Variants in FHIT observed in about 807,000 individuals in gnomAD.
The protein encoded by FHIT is bis(5'-adenosyl)-triphosphatase.
Under a neutral mutation model 17.9 loss-of-function variants are expected in FHIT, and 19 were observed. The observed-to-expected ratio is 1.06, with a 90% CI of 0.74 to 1.56. The LOEUF (loss-of-function observed/expected upper bound fraction) is 1.56. FHIT is among the 40% of genes most tolerant of loss of function. The pLI, the probability that FHIT is intolerant of heterozygous loss-of-function variation, is 0.00. For synonymous variants in FHIT, 81 were observed against 69.7 expected, an observed-to-expected ratio of 1.16 and a Z score of -0.81; for missense variants, 248 against 189.2, an observed-to-expected ratio of 1.31 and a Z score of -1.82.
intron 5 of FHIT, among the ~76,000 whole-genome samples, chr3:60,111,196 A>G (rs12715549): frequency 6.6e-6 from 1 of 152,050 alleles, no homozygotes; most frequent in African/African-American, 2.4e-5. Flanking sequence ...GTCTTTTACA[A>G]AGACTGTGTT....
At chr3:60,190,889 G>C (rs1702374145) in intron 5 of FHIT, among the ~76,000 whole-genome samples, 1 of 152,032 alleles carries the variant, frequency 6.6e-6, no homozygotes, top group African/African-American at 2.4e-5. Context: ...GTTGCAGTGA[G>C]CCGAGATTGC....
At chr3:60,432,375 G>A (rs1235232476) in intron 5 of FHIT, among the ~76,000 whole-genome samples, 1 of 152,040 alleles carries the variant, frequency 6.6e-6, no homozygotes, top group Non-Finnish European at 1.5e-5. Context: ...ACCTAATCTA[G>A]ATAGCTACTA....
intron 5 of FHIT, among the ~76,000 whole-genome samples, chr3:60,404,064 C>G (rs1576603971): frequency 6.6e-6 from 1 of 152,238 alleles, no homozygotes; most frequent in East Asian, 1.9e-4. Context: ...TGATTGTGGG[C>G]CAAGTCTGCC....
chr3:61,009,959 C>T (rs2031694624), intron 3 of FHIT, among the ~76,000 whole-genome samples: 1 of 152,014 alleles, frequency 6.6e-6, no homozygotes, highest in Non-Finnish European at 1.5e-5. Context: ...TATTTTAGAC[C>T]TACCCTAATA....
intron 5 of FHIT, among the ~76,000 whole-genome samples, chr3:60,037,185 T>C (rs1357503892): frequency 6.6e-6 from 1 of 152,218 alleles, no homozygotes; most frequent in Non-Finnish European, 1.5e-5. Context: ...ATTTAGCTCA[T>C]CCAATTCTTT....
intron 8 of FHIT, among the ~76,000 whole-genome samples, chr3:59,875,862 A>C (rs1185228339): frequency 6.6e-6 from 1 of 152,066 alleles, no homozygotes; most frequent in Non-Finnish European, 1.5e-5. Flanking sequence ...AGCCATGAGT[A>C]ACATCATTTC....
intron 5 of FHIT, among the ~76,000 whole-genome samples, chr3:60,050,774 C>T (rs982490814): frequency 5.9e-5 from 9 of 152,186 alleles, no homozygotes; most frequent in African/African-American, 2.2e-4. Flanking sequence ...TAGATCCAGG[C>T]ATCTCCAAGA....
Position 60,155,257 on chromosome 3 carries a change from G to A in FHIT, c.104-141105C>T, listed in dbSNP as rs138092351. Among the ~76,000 whole-genome samples, 39 of 151,522 alleles carry A rather than the reference G, an allele frequency of 2.6e-4. 1 individual carries two copies. The highest frequency in any genetic ancestry group is 4.8e-4 in the African/African-American group (20 of 41,304). On this transcript the variant is annotated intron_variant, in intron 5 of 9. Transcript: ENST00000492590. ...GTGAAACAGAAAATCTCAGTCACAC[G>A]GCTGTCAGTGCTTTTTCTTTCTCTT...
At chr3:60,509,835 A>G (rs1247685900) in intron 5 of FHIT, among the ~76,000 whole-genome samples, 10 of 152,228 alleles carry the variant, frequency 6.6e-5, no homozygotes. Flanking sequence ...TTTCTAAGGA[A>G]TAGGAAGAAA....
intron 5 of FHIT, among the ~76,000 whole-genome samples, chr3:60,472,504 G>T (rs1324853386): frequency 1.3e-5 from 2 of 151,854 alleles, no homozygotes; most frequent in Non-Finnish European, 1.5e-5. Context: ...GAGTAGCTGG[G>T]ACTACAGGCA....
chr3:59,760,594 C>T (rs1012547010), intron 8 of FHIT, among the ~76,000 whole-genome samples: 1 of 151,306 alleles, frequency 6.6e-6, no homozygotes, highest in African/African-American at 2.4e-5. Context: ...ATTGATTAGA[C>T]ATGAAAGTTC....
At position 60,615,581 on chromosome 3, in the gene FHIT, T is replaced by C. The variant is rs566885595; in HGVS notation, c.-17-78602A>G. Among the ~76,000 whole-genome samples, 8 of 152,348 alleles carry C rather than the reference T, an allele frequency of 5.3e-5. No individual in the cohort carries two copies. In the South Asian group the frequency reaches 8.3e-4, roughly 16 times the overall value. On this transcript the variant is annotated intron_variant, in intron 4 of 9. Transcript: ENST00000492590. ...CAATTCACCTATGCGGTAACTTACA[T>C]TGATCATAACAGTACTTTAAGTAAT...
intron 5 of FHIT, among the ~76,000 whole-genome samples, chr3:60,511,970 A>C (rs948213365): frequency 1.3e-5 from 2 of 152,166 alleles, no homozygotes; most frequent in African/African-American, 4.8e-5. Flanking sequence ...AAACAGCAAC[A>C]GACAAAAAGG....
intron 5 of FHIT, among the ~76,000 whole-genome samples, chr3:60,190,795 T>C (rs1702368409): frequency 6.6e-6 from 1 of 151,930 alleles, no homozygotes; most frequent in South Asian, 2.1e-4. Context: ...ATACAAAAAT[T>C]AGCTGGGCAT....
intron 5 of FHIT, among the ~76,000 whole-genome samples, chr3:60,331,578 G>T (rs1007496177): frequency 5.3e-5 from 8 of 152,194 alleles, no homozygotes; most frequent in Non-Finnish European, 4.4e-5. Context: ...CGGGTATGGT[G>T]GCTTGCGCCT....
chr3:61,039,019 T>C (rs1559930866), intron 3 of FHIT, among the ~76,000 whole-genome samples: 1 of 152,214 alleles, frequency 6.6e-6, no homozygotes, highest in Non-Finnish European at 1.5e-5. Context: ...CTATTCACTC[T>C]ACTTGGTGCA....
At chr3:60,356,225 G>A (rs1218832862) in intron 5 of FHIT, among the ~76,000 whole-genome samples, 6 of 152,182 alleles carry the variant, frequency 3.9e-5, no homozygotes, top group African/African-American at 1.4e-4. Context: ...CGCTGCAAAA[G>A]TAACCGAGCA....
chr3:60,383,987 G>C (rs937077109), intron 5 of FHIT, among the ~76,000 whole-genome samples: 1 of 152,154 alleles, frequency 6.6e-6, no homozygotes, highest in Non-Finnish European at 1.5e-5. Flanking sequence ...TTTGGAGATA[G>C]GACAGGCGCA....
chr3:60,529,548 A>T (rs1283134668), intron 5 of FHIT, among the ~76,000 whole-genome samples: 1 of 152,236 alleles, frequency 6.6e-6, no homozygotes, highest in Non-Finnish European at 1.5e-5. Flanking sequence ...TTATTATTCC[A>T]TTCATTACTT....
Sources: allele counts gnomAD v4.1 joint callset (sites outside exome capture counted in the v4.1 genomes callset), GRCh38; gene constraint gnomAD v4.1.1; transcripts MANE v1.5; gene names NCBI Gene and HGNC (gene_info 2026-07-23, HGNC 2026-07-21).